Variants in CBX2 observed in about 807,000 individuals in gnomAD.
The protein encoded by CBX2 is chromobox 2, also known as chromobox protein homolog 2.
A neutral mutation model predicts 21.0 loss-of-function variants in CBX2; 11 were observed. That is an observed-to-expected ratio of 0.52 (90% CI 0.33 to 0.87). The LOEUF (loss-of-function observed/expected upper bound fraction) is 0.87, where lower values mean the gene tolerates loss of function less well. CBX2 is among the 40% of genes least tolerant of loss of function. The pLI is 0.02. For synonymous variants in CBX2, 364 were observed against 304.6 expected, an observed-to-expected ratio of 1.19 and a Z score of -2.03; for missense variants, 746 against 724.3, an observed-to-expected ratio of 1.03 and a Z score of -0.34.
At chr17:79,777,386 G>A (rs1456284302), upstream of CBX2, among the ~76,000 whole-genome samples, 2 of 152,134 alleles carry the variant, frequency 1.3e-5, no homozygotes, top group Non-Finnish European at 2.9e-5. Context: ...TTCAGAAAAG[G>A]TGCAGCTGGT....
At chr17:79,779,928 A>G (rs1197815354) in intron 3 of CBX2, among the ~76,000 whole-genome samples, 9 of 152,266 alleles carry the variant, frequency 5.9e-5, no homozygotes, top group African/African-American at 2.2e-4. Context: ...CTCAAGAAAG[A>G]AACATTTATT....
rs1906922189 is a variant in CBX2 at position 79,778,653 on chromosome 17, C to T, written c.116+226C>T. On this transcript the variant is annotated intron_variant, in intron 2 of 4. Transcript: ENST00000310942. The surrounding 1 kb of genome is among the most constrained non-coding windows in gnomAD (Gnocchi z 4.8). ...GGGTGCAGAGCTGGGCGGCCCCCCG[C>T]GCCAGAACCTCCTCGGCTGCCGCGC... Among the ~76,000 whole-genome samples, 2 of 151,822 alleles carry T rather than the reference C, an allele frequency of 1.3e-5. No homozygotes were observed. The highest frequency in any genetic ancestry group is 2.0e-4 in the East Asian group (1 of 5,126).
intron 4 of CBX2, among the ~76,000 whole-genome samples, chr17:79,783,056 C>T (rs1907351093): frequency 6.6e-6 from 1 of 152,208 alleles, no homozygotes; most frequent in African/African-American, 2.4e-5. Flanking sequence ...CTCCTGAGTC[C>T]TGAAAACTGT....
rs201118492 is a variant in CBX2 at position 79,785,044 on chromosome 17, G to A, written c.*2G>A. The A allele has an allele frequency of 2.2e-4, 351 of 1,598,290 alleles. No individual in the cohort carries two copies. Among genetic ancestry groups the A allele is most frequent in the Non-Finnish European group, 2.8e-4 (329 of 1,178,866 alleles). On this transcript the variant is annotated 3_prime_UTR_variant, in exon 5 of 5. Transcript: ENST00000310942. ...TTCTTCAACCTGAGGCATTACTGAA[G>A]CCCCGGCGCCACCAGCTGCGCGGTC... is the stretch of plus-strand genomic sequence containing the variant.
intron 3 of CBX2, 69 bp from the exon 4 acceptor site, chr17:79,781,627 A>G (rs1225778000): frequency 1.5e-6 from 2 of 1,353,810 alleles, no homozygotes; most frequent in East Asian, 2.3e-5. Flanking sequence ...GCTGGAAGCC[A>G]TAGAGTCCCA....
intron 4 of CBX2, among the ~76,000 whole-genome samples, chr17:79,783,128 C>T (rs1422334362): frequency 6.6e-6 from 1 of 152,214 alleles, no homozygotes; most frequent in Non-Finnish European, 1.5e-5. Context: ...AATCTGCATC[C>T]CCCTTGAAAG....
chr17:79,780,526 G>A (rs1453097170), intron 3 of CBX2, among the ~76,000 whole-genome samples: 2 of 152,224 alleles, frequency 1.3e-5, no homozygotes, highest in South Asian at 2.1e-4. Context: ...AGGCTGGTGC[G>A]CTTCTCTGGA....
chr17:79,784,091 C>T lies in CBX2; in HGVS notation c.648C>T (p.Ala216=). 2 of 1,612,112 alleles carry T rather than the reference C, an allele frequency of 1.2e-6. No homozygotes were observed. Among genetic ancestry groups the T allele is most frequent in the Non-Finnish European group, 1.7e-6 (2 of 1,179,554 alleles). The change falls in exon 5 of 5, where the codon GCC becomes GCT. Residue 216 remains alanine, a synonymous_variant. Coordinates refer to ENST00000310942, the MANE Select transcript of CBX2 (RefSeq NM_005189.3). This position sits in a 1 kb window ranked among gnomAD's most constrained non-coding sequence, Gnocchi z 5.9. ...APVAGLAALK[A]HAKEACGGPS... Reference sequence around the variant, plus strand: ...TTGCAGGCCTGGCAGCTCTGAAGGCCCACGCCAAGGAGGCCTGTGGCGGCC... The same window carrying T: ...TTGCAGGCCTGGCAGCTCTGAAGGCTCACGCCAAGGAGGCCTGTGGCGGCC...
Position 79,784,858 on chromosome 17 carries a change from A to ACTCCGC in CBX2, c.1419_1424dup (p.Ala474_Ser475dup), listed in dbSNP as rs1162033310. ...AGTAGCAGCTCGGACTCCGACCCCG[A>ACTCCGC]CTCCGCCTCGCCGCCCAGCACTGGA... On this transcript the variant is annotated inframe_insertion, in exon 5 of 5. Transcript: ENST00000310942. This position sits in a 1 kb window ranked among gnomAD's most constrained non-coding sequence, Gnocchi z 5.9. 5.6e-6 allele frequency: 9 copies of ACTCCGC among 1,612,634 alleles called. No individual in the cohort carries two copies. The African/African-American group carries it at 9.4e-5, about 17-fold the overall frequency.
At chr17:79,782,101 C>G (rs1568500819) in intron 4 of CBX2, 2 of 1,613,506 alleles carry the variant, frequency 1.2e-6, no homozygotes, top group South Asian at 2.2e-5. Context: ...TCTTCCCTCC[C>G]AGGGGGTCCT....
At chr17:79,781,346 G>A (rs774442448) in intron 3 of CBX2, among the ~76,000 whole-genome samples, 27 of 152,282 alleles carry the variant, frequency 1.8e-4, no homozygotes, top group Middle Eastern at 3.4e-3. Flanking sequence ...AGGTTGGACC[G>A]TGTGGCCACC....
intron 3 of CBX2, chr17:79,779,702 A>C (rs1907027635): frequency 4.0e-6 from 2 of 501,968 alleles, no homozygotes; most frequent in East Asian, 3.4e-5. Context: ...GCAAAAACCA[A>C]CTTTTTCAGT....
In CBX2 at chr17:79,783,776, TTCCTCCACGTCA is replaced by T; in HGVS notation, c.340_351del (p.Thr114_Ser117del). ...AATCCAAGTCCAGCAGTTCCTCCTC[TTCCTCCACGTCA>T]TCCTCCTCTTCCTCAGATGAAGAGG... On this transcript the variant is annotated inframe_deletion, in exon 5 of 5. Coordinates refer to ENST00000310942, the MANE Select transcript of CBX2 (RefSeq NM_005189.3). The T allele has an allele frequency of 6.4e-7, 1 of 1,562,896 alleles. No homozygotes were observed. The highest frequency in any genetic ancestry group is 8.7e-7 in the Non-Finnish European group (1 of 1,153,474).
In CBX2 at chr17:79,778,464, C is replaced by T. The variant is rs1555829484; in HGVS notation, c.116+37C>T. On this transcript the variant is annotated intron_variant, in intron 2 of 4. Transcript: ENST00000310942. The surrounding 1 kb of genome is among the most constrained non-coding windows in gnomAD (Gnocchi z 4.8). ...GCGACGCCGCGCCCCCCTCCCGCCC[C>T]CTCGCCCGGGGGTGGGGACGTGGAG... is the stretch of plus-strand genomic sequence containing the variant. 4.2e-6 allele frequency: 6 copies of T among 1,417,496 alleles called. No individual in the cohort carries two copies. The African/African-American group carries it at 5.9e-5, about 14-fold the overall frequency. The allele number at this position is 1,417,496 out of a possible 1,614,324, so 87.8% of individuals were successfully genotyped here. A position where few individuals can be genotyped will look rare whatever the true frequency, so the allele number is the denominator to read the frequency against.
rs781850660 is a variant in CBX2 at position 79,784,348 on chromosome 17, G to C, written c.905G>C (p.Ser302Thr). The change falls in exon 5 of 5, where the codon AGC becomes ACC. Residue 302 changes from serine to threonine, a missense_variant. Ser to Thr is a moderately conservative substitution (Grantham distance 58). Around this residue, in one of 2 missense-constraint regions of CBX2, gnomAD observed 701 missense variants for 650.7 expected, o/e 1.08. Transcript: ENST00000310942. The surrounding 1 kb of genome is among the most constrained non-coding windows in gnomAD (Gnocchi z 5.9). ...ACGCAGAAAGGGGAGCTGGGAATGA[G>C]CCCTCCAGGAAGCAAAATCCCGAAG... ...VRTQKGELGM[S>T]PPGSKIPKAP... 6.2e-7 allele frequency: 1 copy of C among 1,613,218 alleles called. No individual in the cohort carries two copies. Among genetic ancestry groups the C allele is most frequent in the South Asian group, 1.1e-5 (1 of 91,084 alleles).
At chr17:79,779,534 T>A in intron 3 of CBX2, 107 bp downstream of exon 3, 1 of 985,976 alleles carries the variant, frequency 1.0e-6, no homozygotes, top group Non-Finnish European at 1.6e-6. Flanking sequence ...GGGGCTGTGG[T>A]CTGAGGTCCC....
Position 79,782,222 on chromosome 17 carries a change from G to A in CBX2, c.288+421G>A. 3 of 1,600,816 alleles carry A rather than the reference G, an allele frequency of 1.9e-6. No homozygotes were observed. In the South Asian group the frequency reaches 3.4e-5, roughly 18 times the overall value. Reference sequence around the variant, plus strand: ...GGGGGCTACTCCGGGCCCACCTGCGGGTGCACCTTAAATCGAGGTGGCCAC... The same window carrying A: ...GGGGGCTACTCCGGGCCCACCTGCGAGTGCACCTTAAATCGAGGTGGCCAC... On this transcript the variant is annotated intron_variant, in intron 4 of 4. Transcript: ENST00000310942.
Position 79,787,865 on chromosome 17 carries a change from C to G in CBX2, c.*2823C>G, listed in dbSNP as rs1301241354. 2 of 151,934 alleles carry G rather than the reference C, an allele frequency of 1.3e-5. No individual in the cohort carries two copies. The highest frequency in any genetic ancestry group is 2.9e-5 in the Non-Finnish European group (2 of 68,008). 9.4% of individuals were successfully genotyped at this position (151,934 alleles called of 1,614,324 possible). On this transcript the variant is annotated 3_prime_UTR_variant, in exon 5 of 5. Transcript: ENST00000310942. Reference sequence around the variant, plus strand: ...GACCTAGCTGGAGAGGGCTCTGGGCCGAGAGCTTTCACTAAGGGGAGACTT... The same window carrying G: ...GACCTAGCTGGAGAGGGCTCTGGGCGGAGAGCTTTCACTAAGGGGAGACTT...
intron 4 of CBX2, 107 bp downstream of exon 4, chr17:79,781,908 G>T: frequency 6.2e-7 from 1 of 1,614,202 alleles, no homozygotes; most frequent in Admixed American, 1.7e-5. Flanking sequence ...TGGCACTTCT[G>T]CCAACAGTCT....
Sources: gnomAD v4.1 joint callset for allele counts (sites outside exome capture counted in the v4.1 genomes callset) on GRCh38, gnomAD v4.1.1 for gene constraint, gnomAD v4.1.1 regional missense constraint, Gnocchi (gnomAD v3.1) non-coding constraint, MANE v1.5 for transcripts, NCBI Gene and HGNC (gene_info 2026-07-23, HGNC 2026-07-21) for gene names.